SIN3A: variants seen among roughly 807,000 people sequenced by gnomAD.
The protein encoded by SIN3A is SIN3 transcription regulator family member A, also known as paired amphipathic helix protein Sin3a.
SIN3A carries 14 observed loss-of-function variants against 146.1 expected under a neutral mutation model. That is an observed-to-expected ratio of 0.10 (90% CI 0.06 to 0.15). The LOEUF (loss-of-function observed/expected upper bound fraction) is 0.15, where lower values mean the gene tolerates loss of function less well. Among genes scored for constraint, SIN3A ranks in the 10% least tolerant of loss-of-function variants. The probability of loss-of-function intolerance (pLI) is 1.00; values close to 1 mark genes in which losing one functional copy is unlikely to be tolerated. For missense variants in SIN3A, 1,028 were observed against 1,576.0 expected (o/e 0.65, Z 5.89); for synonymous variants, 572 against 572.0 (o/e 1.00, Z 0.00).
chr15:75,405,383 C>A lies in SIN3A; in HGVS notation c.1407+1672G>T, dbSNP rs866166233. 1.3e-3 allele frequency among the ~76,000 whole-genome samples: 191 copies of A among 150,418 alleles called. 2 individuals carry two copies. The highest frequency in any genetic ancestry group is 4.5e-3 in the African/African-American group (184 of 41,018). The stretch of plus-strand genomic sequence containing the variant: ...CTCTGTCTAAAAAAAAAAAAAAACC[C>A]AAAAATGTAAAAAAGATTCCTTAAT... On this transcript the variant is annotated intron_variant, in intron 9 of 20. Coordinates refer to ENST00000394947, the MANE Select transcript of SIN3A (RefSeq NM_001145358.2).
upstream of SIN3A, among the ~76,000 whole-genome samples, chr15:75,454,641 C>T (rs2074462379): frequency 6.6e-6 from 1 of 152,008 alleles, no homozygotes; most frequent in South Asian, 2.1e-4. Context: ...CCGACCTTCA[C>T]TGCCCCTTTC....
chr15:75,439,647 C>G (rs1209866617), intron 1 of SIN3A, among the ~76,000 whole-genome samples: 1 of 151,808 alleles, frequency 6.6e-6, no homozygotes, highest in Admixed American at 6.6e-5. Context: ...ACCCGGCCAT[C>G]AATGCTTCTT....
chr15:75,399,032 T>TA (rs2073357104), intron 12 of SIN3A, among the ~76,000 whole-genome samples: 2 of 149,370 alleles, frequency 1.3e-5, no homozygotes, highest in Non-Finnish European at 3.0e-5. Context: ...AATTTAAAGT[T>TA]TAAAAAAAAA....
intron 1 of SIN3A, among the ~76,000 whole-genome samples, chr15:75,439,916 T>C (rs981084387): frequency 1.3e-5 from 2 of 151,626 alleles, no homozygotes; most frequent in Admixed American, 6.6e-5. Context: ...TTTGGGAGGC[T>C]GAGGCGGGCG....
At chr15:75,383,311 T>C (rs1383132725) in intron 17 of SIN3A, among the ~76,000 whole-genome samples, 1 of 151,640 alleles carries the variant, frequency 6.6e-6, no homozygotes, top group Non-Finnish European at 1.5e-5. Flanking sequence ...TTTTGTCCAG[T>C]ATAAACTCTT....
At chr15:75,438,990 T>C (rs986941663) in intron 1 of SIN3A, among the ~76,000 whole-genome samples, 2 of 152,342 alleles carry the variant, frequency 1.3e-5, no homozygotes, top group African/African-American at 2.4e-5. Context: ...ATATATTGAT[T>C]AGAATTATTG....
chr15:75,447,328 T>C (rs934995957), intron 1 of SIN3A, among the ~76,000 whole-genome samples: 4 of 152,154 alleles, frequency 2.6e-5, no homozygotes, highest in African/African-American at 4.8e-5. Flanking sequence ...ATTTTGAATA[T>C]AAAGCAGTAA....
At chr15:75,427,073 A>T (rs557787950) in intron 2 of SIN3A, among the ~76,000 whole-genome samples, 65 of 151,848 alleles carry the variant, frequency 4.3e-4, no homozygotes, top group African/African-American at 1.1e-3. Flanking sequence ...TCCTTTTTTT[A>T]AAAAAAAATC....
chr15:75,423,458 C>G (rs2073873992), intron 2 of SIN3A, among the ~76,000 whole-genome samples: 2 of 152,056 alleles, frequency 1.3e-5, no homozygotes, highest in African/African-American at 4.8e-5. Flanking sequence ...GCAGGCGGAT[C>G]ACGAGGTCAG....
At chr15:75,388,487 G>A (rs1352071468) in intron 16 of SIN3A, 2 of 152,206 alleles carry the variant, frequency 1.3e-5, no homozygotes, top group East Asian at 3.8e-4. Flanking sequence ...AAGAGTTAAG[G>A]GTGACCAGCA....
rs1387557373 is a variant in SIN3A at position 75,396,445 on chromosome 15, T to C, written c.1906A>G (p.Ile636Val). The change falls in exon 13 of 21, where the codon ATA (isoleucine) becomes GTA (valine). Residue 636 changes from isoleucine to valine, a missense_variant. Physicochemically the swap from Ile to Val is conservative, Grantham distance 29 (BLOSUM62 3). Around this residue, in one of 9 missense-constraint regions of SIN3A, gnomAD observed 157 missense variants for 284.8 expected, o/e 0.55. Transcript: ENST00000394947. ...NLATIRVLEAIQKKLSRLSAE... is the reference protein window; with the variant it reads ...NLATIRVLEAVQKKLSRLSAE... ...GACAAGCGGGAAAGCTTCTTCTGTATTGCTTCCAGAACCCGGATTGTTGCC... is the reference window on the plus strand; with the variant it reads ...GACAAGCGGGAAAGCTTCTTCTGTACTGCTTCCAGAACCCGGATTGTTGCC... The C allele has an allele frequency of 3.1e-6, 5 of 1,614,014 alleles. No individual in the cohort carries two copies. Among genetic ancestry groups the C allele is most frequent in the African/African-American group, 2.7e-5 (2 of 74,906 alleles).
intron 1 of SIN3A, among the ~76,000 whole-genome samples, chr15:75,433,222 A>C (rs2074045286): frequency 6.6e-6 from 1 of 152,186 alleles, no homozygotes; most frequent in Non-Finnish European, 1.5e-5. Flanking sequence ...TCCAAACTCT[A>C]TCTACCATGA....
At chr15:75,455,795 G>A (rs1332365405), upstream of SIN3A, 1 of 152,234 alleles carries the variant, frequency 6.6e-6, no homozygotes, top group Non-Finnish European at 1.5e-5. Context: ...TACCTTCCGA[G>A]CCAGGCGAGG....
intron 3 of SIN3A, chr15:75,421,257 A>AT (rs1191330336): frequency 6.6e-6 from 1 of 152,218 alleles, no homozygotes; most frequent in African/African-American, 2.4e-5. Context: ...GCAATAATAC[A>AT]TTTTGGTACA....
chr15:75,452,597 G>A (rs1192589833), upstream of SIN3A, among the ~76,000 whole-genome samples: 2 of 152,234 alleles, frequency 1.3e-5, no homozygotes, highest in African/African-American at 2.4e-5. Context: ...AGGCGGAGAA[G>A]TAAACTCCCT....
chr15:75,423,236 C>A (rs953419671), intron 2 of SIN3A, among the ~76,000 whole-genome samples: 10 of 151,988 alleles, frequency 6.6e-5, no homozygotes, highest in African/African-American at 2.4e-4. Flanking sequence ...TGTGATCACA[C>A]CACTGCTCTC....
chr15:75,392,106 A>G (rs1022446148), intron 15 of SIN3A, 136 bp downstream of exon 15: 9 of 799,234 alleles, frequency 1.1e-5, no homozygotes, highest in South Asian at 1.8e-5. Context: ...TTTTTCAGAT[A>G]AACAGGTTCA....
intron 2 of SIN3A, among the ~76,000 whole-genome samples, chr15:75,426,790 G>A (rs1411036239): frequency 1.3e-5 from 2 of 152,044 alleles, no homozygotes; most frequent in Non-Finnish European, 2.9e-5. Flanking sequence ...AAATTAGCCA[G>A]GTGTGGTGGC....
intron 5 of SIN3A, 65 bp from the exon 6 acceptor site, chr15:75,411,808 A>C (rs1439406296): frequency 6.7e-7 from 1 of 1,487,344 alleles, no homozygotes; most frequent in Non-Finnish European, 9.0e-7. Flanking sequence ...GGAAAGTTCA[A>C]ACTAAAGAGA....
Sources: allele counts gnomAD v4.1 joint callset (sites outside exome capture counted in the v4.1 genomes callset), GRCh38; gene constraint gnomAD v4.1.1; regional missense constraint gnomAD v4.1.1; transcripts MANE v1.5; gene names NCBI Gene and HGNC (gene_info 2026-07-23, HGNC 2026-07-21).